TIAM2: variants seen among roughly 807,000 people sequenced by gnomAD.
TIAM2 encodes the protein TIAM Rac1 associated GEF 2, also known as rho guanine nucleotide exchange factor TIAM2.
In TIAM2, 80 loss-of-function variants were observed where a neutral mutation model predicts 152.9. That is an observed-to-expected ratio of 0.52 (90% CI 0.44 to 0.63). TIAM2 has a LOEUF of 0.63. Ranked by LOEUF, TIAM2 falls within the 30% of genes least tolerant of loss-of-function variation. TIAM2 has a pLI of 0.00. For missense variants in TIAM2, 1,965 were observed against 2,120.1 expected (o/e 0.93, Z 1.44); for synonymous variants, 804 against 838.0 (o/e 0.96, Z 0.70).
intron 2 of TIAM2, among the ~76,000 whole-genome samples, chr6:155,118,860 TGC>T (rs760633497): frequency 3.7e-4 from 55 of 149,692 alleles, no homozygotes; most frequent in East Asian, 1.8e-3. Context: ...TGAATGTGTG[TGC>T]TTTTTTTTTT....
At chr6:155,034,018 C>T (rs1776873822) in intron 1 of TIAM2, among the ~76,000 whole-genome samples, 1 of 150,076 alleles carries the variant, frequency 6.7e-6, no homozygotes, top group Non-Finnish European at 1.5e-5. Flanking sequence ...CACCCGGCCT[C>T]TCTTGGCTTT....
intron 1 of TIAM2, among the ~76,000 whole-genome samples, chr6:155,053,276 G>A (rs1332381034): frequency 6.6e-6 from 1 of 152,124 alleles, no homozygotes; most frequent in African/African-American, 2.4e-5. Context: ...GCATTTGGAG[G>A]AATTGGATTT....
At chr6:155,196,025 T>C (rs1781339003) in intron 14 of TIAM2, among the ~76,000 whole-genome samples, 1 of 152,102 alleles carries the variant, frequency 6.6e-6, no homozygotes, top group South Asian at 2.1e-4. Context: ...AGTAGTGACA[T>C]GATCTGACGA....
intron 1 of TIAM2, among the ~76,000 whole-genome samples, chr6:155,060,807 A>C (rs1777560972): frequency 6.6e-6 from 1 of 152,182 alleles, no homozygotes; most frequent in Non-Finnish European, 1.5e-5. Flanking sequence ...AGGCAGGAGA[A>C]TCACTTGATC....
At chr6:155,073,532 T>G (rs1410214750) in intron 1 of TIAM2, among the ~76,000 whole-genome samples, 1 of 152,198 alleles carries the variant, frequency 6.6e-6, no homozygotes, top group Non-Finnish European at 1.5e-5. Flanking sequence ...AATTGTGATA[T>G]TATACAGATA....
intron 1 of TIAM2, among the ~76,000 whole-genome samples, chr6:155,071,149 G>A (rs1447568727): frequency 6.6e-6 from 1 of 151,276 alleles, no homozygotes; most frequent in African/African-American, 2.4e-5. Flanking sequence ...CTCCAGCTTA[G>A]GCAACAGAAA....
chr6:155,144,872 A>G (rs1779787583), intron 6 of TIAM2, 94 bp downstream of exon 6: 3 of 1,390,878 alleles, frequency 2.2e-6, no homozygotes, highest in Admixed American at 4.9e-5. Flanking sequence ...GAAATTGAAT[A>G]AATACTTAGT....
In TIAM2 at chr6:155,216,055, C is replaced by T. The variant is rs1004866400; in HGVS notation, c.3168+4748C>T. ...AACTCCTGGGCTGGAGCAATACTCC[C>T]GCCTCAGCCTCCCAATGTGCTGGGA... On this transcript the variant is annotated intron_variant, in intron 15 of 26. Coordinates refer to ENST00000682666, the MANE Select transcript of TIAM2 (RefSeq NM_012454.4). Among the ~76,000 whole-genome samples the T allele has an allele frequency of 4.6e-5, 7 of 152,100 alleles. No homozygotes were observed. In the East Asian group the frequency reaches 9.6e-4, roughly 21 times the overall value.
intron 9 of TIAM2, among the ~76,000 whole-genome samples, chr6:155,168,465 C>G (rs1004123040): frequency 6.6e-6 from 1 of 152,068 alleles, no homozygotes; most frequent in African/African-American, 2.4e-5. Flanking sequence ...TCAAGTGATT[C>G]TCTGCCTCAG....
chr6:155,202,458 G>A (rs926427265), intron 14 of TIAM2, among the ~76,000 whole-genome samples: 7 of 152,092 alleles, frequency 4.6e-5, no homozygotes, highest in African/African-American at 7.2e-5. Context: ...TCACTCTGTC[G>A]CCTAGGCTGG....
intron 16 of TIAM2, among the ~76,000 whole-genome samples, chr6:155,243,101 T>C (rs148104421): frequency 5.6e-4 from 86 of 152,286 alleles, no homozygotes; most frequent in African/African-American, 2.0e-3. Flanking sequence ...TGCAGTCTAC[T>C]CCCACTATAC....
chr6:155,161,027 T>A (rs891126944), intron 7 of TIAM2, among the ~76,000 whole-genome samples: 1 of 152,238 alleles, frequency 6.6e-6, no homozygotes, highest in African/African-American at 2.4e-5. Context: ...CCCAGCCCTG[T>A]TGACTTTCCA....
intron 1 of TIAM2, among the ~76,000 whole-genome samples, chr6:154,996,796 A>G (rs1474833433): frequency 1.3e-5 from 2 of 152,216 alleles, no homozygotes; most frequent in East Asian, 3.8e-4. Context: ...TGATTGGTGC[A>G]GTTTTGTAAG....
At chr6:155,183,202 C>T (rs1583235286) in intron 13 of TIAM2, 35 bp from the exon 14 acceptor site, 1 of 1,599,790 alleles carries the variant, frequency 6.3e-7, no homozygotes, top group East Asian at 2.2e-5. Context: ...AGTAATCCCT[C>T]TCTCTTTTTT....
intron 1 of TIAM2, among the ~76,000 whole-genome samples, chr6:155,028,851 ATACACTGTATATACTATC>A (rs1776712263): frequency 7.6e-6 from 1 of 130,984 alleles, no homozygotes; most frequent in South Asian, 2.3e-4. Flanking sequence ...TATGTTATAT[ATACACTGTATATACTATC>A]TATACTATGT....
intron 1 of TIAM2, among the ~76,000 whole-genome samples, chr6:155,029,319 C>A (rs1232073042): frequency 6.3e-5 from 7 of 110,238 alleles, no homozygotes; most frequent in Admixed American, 1.3e-4. Flanking sequence ...GTTATATATA[C>A]TATATGTACT....
intron 1 of TIAM2, among the ~76,000 whole-genome samples, chr6:155,071,182 A>AG (rs976487026): frequency 4.2e-5 from 5 of 119,172 alleles, no homozygotes; most frequent in Non-Finnish European, 9.4e-5. Flanking sequence ...TCAAAAAAAG[A>AG]AAAAAAGACA....
intron 5 of TIAM2, among the ~76,000 whole-genome samples, chr6:155,143,966 C>T (rs1194460914): frequency 6.6e-6 from 1 of 152,094 alleles, no homozygotes; most frequent in Admixed American, 6.5e-5. Context: ...GGTTAAATAT[C>T]CCCACAGGTA....
chr6:155,117,588 G>T (rs533370176), intron 2 of TIAM2, among the ~76,000 whole-genome samples: 2 of 152,114 alleles, frequency 1.3e-5, no homozygotes, highest in Non-Finnish European at 2.9e-5. Flanking sequence ...AACTACAGTC[G>T]TGTGCCACCA....
Sources: gnomAD v4.1 joint callset for allele counts (sites outside exome capture counted in the v4.1 genomes callset) on GRCh38, gnomAD v4.1.1 for gene constraint, MANE v1.5 for transcripts, NCBI Gene and HGNC (gene_info 2026-07-23, HGNC 2026-07-21) for gene names.